Variants in ADCY9 observed in about 807,000 individuals in gnomAD.
The protein encoded by ADCY9 is adenylate cyclase type 9.
ADCY9 carries 50 observed loss-of-function variants against 101.5 expected under a neutral mutation model. That is an observed-to-expected ratio of 0.49 (90% CI 0.39 to 0.62). The LOEUF (loss-of-function observed/expected upper bound fraction) is 0.62. Ranked by LOEUF, ADCY9 falls within the 20% of genes least tolerant of loss-of-function variation. ADCY9 has a pLI of 0.00. For missense variants in ADCY9, 1,662 were observed against 1,800.4 expected (o/e 0.92, Z 1.39); for synonymous variants, 905 against 769.3 (o/e 1.18, Z -2.92).
intron 2 of ADCY9, among the ~76,000 whole-genome samples, chr16:4,092,241 G>C (rs905529479): frequency 6.6e-6 from 1 of 152,190 alleles, no homozygotes; most frequent in Admixed American, 6.5e-5. Context: ...CTGCACTCCG[G>C]TCTAGGCAAC....
chr16:4,096,022 A>T (rs1034656369), intron 2 of ADCY9, among the ~76,000 whole-genome samples: 6 of 151,466 alleles, frequency 4.0e-5, no homozygotes, highest in Admixed American at 3.3e-4. Flanking sequence ...CTCTAACGAT[A>T]CCCTGCTTTA....
At chr16:4,077,351 T>C (rs759636814) in intron 2 of ADCY9, among the ~76,000 whole-genome samples, 9 of 152,176 alleles carry the variant, frequency 5.9e-5, no homozygotes, top group African/African-American at 1.4e-4. Context: ...GTGGTCTTTC[T>C]GGCTGTAGAG....
chr16:4,100,245 G>C (rs1384438264), intron 2 of ADCY9, among the ~76,000 whole-genome samples: 2 of 152,100 alleles, frequency 1.3e-5, no homozygotes, highest in Non-Finnish European at 2.9e-5. Flanking sequence ...ATGATTGTAA[G>C]TTTCCTGACG....
intron 2 of ADCY9, among the ~76,000 whole-genome samples, chr16:4,089,743 C>T (rs914528860): frequency 8.1e-4 from 123 of 152,054 alleles, no homozygotes; most frequent in African/African-American, 2.8e-3. Context: ...ATGGTTTCTT[C>T]GTGCTCACAT....
intron 2 of ADCY9, among the ~76,000 whole-genome samples, chr16:4,012,925 C>T (rs1392815695): frequency 6.6e-6 from 1 of 152,050 alleles, no homozygotes; most frequent in African/African-American, 2.4e-5. Context: ...CCCTCAGCCA[C>T]CAAGAATCAA....
chr16:4,005,814 G>A (rs953443469), intron 3 of ADCY9, among the ~76,000 whole-genome samples: 2 of 152,098 alleles, frequency 1.3e-5, no homozygotes, highest in African/African-American at 2.4e-5. Context: ...TTTTTGGCTC[G>A]GGGCTGTCTT....
chr16:4,097,487 T>TATACACACACACACAC (rs76750792), intron 2 of ADCY9, among the ~76,000 whole-genome samples: 122 of 72,460 alleles, frequency 1.7e-3, no homozygotes, highest in Non-Finnish European at 2.1e-3. Flanking sequence ...TATATATATA[T>TATACACACACACACAC]ACACACACAC....
intron 2 of ADCY9, among the ~76,000 whole-genome samples, chr16:4,090,396 T>G (rs1172623504): frequency 6.6e-6 from 1 of 152,154 alleles, no homozygotes; most frequent in African/African-American, 2.4e-5. Context: ...ATTTCTTGTT[T>G]TAACAACATG....
At chr16:3,969,627 T>A (rs1393431784) in intron 10 of ADCY9, among the ~76,000 whole-genome samples, 2 of 124,148 alleles carry the variant, frequency 1.6e-5, no homozygotes, top group South Asian at 2.5e-4. Context: ...TTTTTTTTTT[T>A]AAGAAGAGAC....
intron 2 of ADCY9, among the ~76,000 whole-genome samples, chr16:4,097,568 T>TTTTTAAGACAGAG (rs2057016332): frequency 7.5e-6 from 1 of 132,726 alleles, no homozygotes; most frequent in Non-Finnish European, 1.6e-5. Flanking sequence ...TTTTTTTTTT[T>TTTTTAAGACAGAG]TTTAAGACAG....
chr16:4,059,395 GA>G (rs1169569443), intron 2 of ADCY9, among the ~76,000 whole-genome samples: 5 of 122,304 alleles, frequency 4.1e-5, no homozygotes, highest in East Asian at 2.3e-4. Context: ...AAAAAAAAAA[GA>G]AAAAAAAAGA....
exon 6 of ADCY9, chr16:3,953,420 A>T (rs957402392): frequency 6.6e-6 from 1 of 152,038 alleles, no homozygotes; most frequent in Non-Finnish European, 1.5e-5. Context: ...GCAGTTTTTA[A>T]TTTTTTCAAA....
At position 4,115,093 on chromosome 16, in the gene ADCY9, C is replaced by A; in HGVS notation, c.350G>T (p.Arg117Leu). 6.2e-7 allele frequency: 1 copy of A among 1,613,924 alleles called. No homozygotes were observed. The change falls in exon 2 of 11, where the codon CGG (arginine) becomes CTG (leucine). Residue 117 changes from arginine (R) to leucine (L), a missense_variant. Arg to Leu is a moderately radical substitution (Grantham distance 102). Around this residue, in one of 5 missense-constraint regions of ADCY9, gnomAD observed 422 missense variants for 392.0 expected, o/e 1.08. Transcript: ENST00000294016. This position sits in a 1 kb window ranked among gnomAD's most constrained non-coding sequence, Gnocchi z 6.2. ...GAAGCCGATGTAGAAGAGCGCATACCGGAACCGGCGCTGGGTCTGCGGGAA... is the reference window on the plus strand; with the variant it reads ...GAAGCCGATGTAGAAGAGCGCATACAGGAACCGGCGCTGGGTCTGCGGGAA... ...RCFPQTQRRFRYALFYIGFAC... is the reference protein window; with the variant it reads ...RCFPQTQRRFLYALFYIGFAC...
rs189977711 is a variant in ADCY9, at chr16:3,976,897, A to T, written c.2828+585T>A. Among the ~76,000 whole-genome samples the T allele has an allele frequency of 9.2e-5, 14 of 152,310 alleles. No individual in the cohort carries two copies. In the East Asian group the frequency reaches 2.5e-3, roughly 27 times the overall value. On this transcript the variant is annotated intron_variant, in intron 9 of 10. Transcript: ENST00000294016. ...GGTCTTGAACTCCTGACCTCAGGTG[A>T]TCTGCCTGCCTTGGCCTCCCAAAGT...
chr16:4,063,004 T>G (rs2056781320), intron 2 of ADCY9, among the ~76,000 whole-genome samples: 1 of 152,206 alleles, frequency 6.6e-6, no homozygotes, highest in Non-Finnish European at 1.5e-5. Flanking sequence ...CTGACGTAAC[T>G]AACATCTGTA....
intron 2 of ADCY9, among the ~76,000 whole-genome samples, chr16:4,026,989 C>A (rs115305937): frequency 2.4e-4 from 36 of 152,308 alleles, no homozygotes; most frequent in African/African-American, 8.4e-4. Flanking sequence ...GGTTCCCTCC[C>A]GCAACCAACC....
chr16:3,974,559 G>A (rs1222493959), intron 10 of ADCY9, 110 bp downstream of exon 10: 11 of 839,642 alleles, frequency 1.3e-5, no homozygotes, highest in African/African-American at 3.4e-5. Context: ...AAGAATGCAC[G>A]TATTGTTCCT....
intron 6 of ADCY9, chr16:3,983,809 C>T (rs1462621180): frequency 4.5e-6 from 1 of 220,862 alleles, no homozygotes; most frequent in Non-Finnish European, 9.1e-6. Flanking sequence ...AGTGTGGTCC[C>T]AGCTACTCAG....
At chr16:4,080,394 C>T (rs1210058970) in intron 2 of ADCY9, among the ~76,000 whole-genome samples, 2 of 152,026 alleles carry the variant, frequency 1.3e-5, no homozygotes, top group Non-Finnish European at 2.9e-5. Flanking sequence ...CAGGCGTGCG[C>T]CACCACACCC....
Sources: allele counts gnomAD v4.1 joint callset (sites outside exome capture counted in the v4.1 genomes callset), GRCh38; gene constraint gnomAD v4.1.1; regional missense constraint gnomAD v4.1.1; non-coding constraint Gnocchi (gnomAD v3.1); transcripts MANE v1.5; gene names NCBI Gene and HGNC (gene_info 2026-07-23, HGNC 2026-07-21).